The following ARHGAP19 variants were observed in gnomAD, a reference collection of about 807,000 sequenced individuals.
ARHGAP19 encodes the protein Rho GTPase activating protein 19.
In ARHGAP19, 48 loss-of-function variants were observed where a neutral mutation model predicts 60.9. That is an observed-to-expected ratio of 0.79 (90% CI 0.62 to 1.00). ARHGAP19 has a LOEUF of 1.00. Ranked by LOEUF, ARHGAP19 falls within the 50% of genes least tolerant of loss-of-function variation. The pLI, the probability that ARHGAP19 is intolerant of heterozygous loss-of-function variation, is 0.00. For synonymous variants in ARHGAP19, 209 were observed against 215.5 expected (o/e 0.97, Z 0.27); for missense variants, 562 against 597.2 (o/e 0.94, Z 0.61).
intron 8 of ARHGAP19, among the ~76,000 whole-genome samples, chr10:97,241,113 G>C (rs965995411): frequency 2.0e-5 from 3 of 151,576 alleles, no homozygotes; most frequent in Admixed American, 2.0e-4. Flanking sequence ...TTGGGGTCAG[G>C]AGTTCAAGAA....
chr10:97,226,166 G>A (rs1462042583), intron 11 of ARHGAP19, 34 bp from the exon 12 acceptor site: 1 of 1,611,096 alleles, frequency 6.2e-7, no homozygotes, highest in Non-Finnish European at 8.5e-7. Flanking sequence ...CGTTAGACAT[G>A]TTCTTAAATA....
intron 1 of ARHGAP19, chr10:97,277,632 A>T (rs1309456129): frequency 0.015 from 26 of 1,784 alleles, 11 homozygotes; most frequent in Non-Finnish European, 0.5. Context: ...ATAAATAAAA[A>T]AAATAAAATA....
chr10:97,243,661 C>G (rs57587114), intron 8 of ARHGAP19, among the ~76,000 whole-genome samples: 3,397 of 152,278 alleles, frequency 0.022, 125 homozygotes, highest in African/African-American at 0.075. Flanking sequence ...CTAAGAAAAT[C>G]TGGAGGGTTT....
chr10:97,256,342 A>T lies in ARHGAP19; in HGVS notation c.903T>A (p.Ile301=), dbSNP rs1316344192. Residue 301 remains isoleucine, a synonymous_variant, in exon 6 of 12, where the codon ATT becomes ATA. Coordinates refer to ENST00000358531, the MANE Select transcript of ARHGAP19 (RefSeq NM_032900.6). ...TKLNSGMAFM[I]KHSQKLFKAP... is the part of the protein sequence containing the mutation. ...CCTTAAAAAGTTTCTGGGAGTGTTT[A>T]ATCATAAAAGCCATCCCACTGTTTA... 6.2e-7 allele frequency: 1 copy of T among 1,614,032 alleles called. No individual in the cohort carries two copies. Among genetic ancestry groups the T allele is most frequent in the Non-Finnish European group, 8.5e-7 (1 of 1,179,898 alleles).
In ARHGAP19 at chr10:97,230,917, C is replaced by T. The variant is rs906885352; in HGVS notation, c.1285-1043G>A. Among the ~76,000 whole-genome samples the T allele has an allele frequency of 7.2e-5, 11 of 152,006 alleles. No individual in the cohort carries two copies. The South Asian group carries it at 1.7e-3, about 23-fold the overall frequency. ...ACTGTCTCTACTAAAATTAACTGGG[C>T]GTGGTGGTGCATGCCTGTAATCCCA... On this transcript the variant is annotated intron_variant, in intron 9 of 11. Transcript: ENST00000358531.
rs566519331 is a variant in ARHGAP19 at position 97,251,923 on chromosome 10, TAGAG to T, written c.927+4391_927+4394del. On this transcript the variant is annotated intron_variant, in intron 6 of 11. Coordinates refer to ENST00000358531, the MANE Select transcript of ARHGAP19 (RefSeq NM_032900.6). Reference sequence around the variant, plus strand: ...GAGTTCTTAAGTATTTTACAATTCATAGAGAAACAACAAGAAATTTATAGAGAAA... The same window carrying T: ...GAGTTCTTAAGTATTTTACAATTCATAAACAACAAGAAATTTATAGAGAAA... Among the ~76,000 whole-genome samples the T allele has an allele frequency of 7.2e-4, 109 of 151,048 alleles. 1 individual carries two copies. In the South Asian group the frequency reaches 0.022, roughly 30 times the overall value.
intron 6 of ARHGAP19, among the ~76,000 whole-genome samples, chr10:97,249,425 A>T (rs750341703): frequency 1.3e-5 from 2 of 152,346 alleles, no homozygotes; most frequent in Admixed American, 6.5e-5. Flanking sequence ...CCTGTGAAGT[A>T]TCTTTGCCAA....
At position 97,239,189 on chromosome 10, in the gene ARHGAP19, G is replaced by A. The variant is rs148391764; in HGVS notation, c.1186-3874C>T. On this transcript the variant is annotated intron_variant, in intron 8 of 11. Coordinates refer to ENST00000358531, the MANE Select transcript of ARHGAP19 (RefSeq NM_032900.6). ...ACATATCCCAATCATCAAGTGATACGTGACTATAAAGAAAAAGGGAGTGGG... is the reference window on the plus strand; with the variant it reads ...ACATATCCCAATCATCAAGTGATACATGACTATAAAGAAAAAGGGAGTGGG... 2.8e-3 allele frequency among the ~76,000 whole-genome samples: 427 copies of A among 152,248 alleles called. 2 individuals are homozygous for A. The highest frequency in any genetic ancestry group is 9.0e-3 in the African/African-American group (374 of 41,568).
At position 97,285,915 on chromosome 10, in the gene ARHGAP19, T is replaced by A. The variant is rs1365287972; in HGVS notation, c.56+6657A>T. Among the ~76,000 whole-genome samples the A allele has an allele frequency of 2.0e-5, 3 of 152,256 alleles. No homozygotes were observed. In the East Asian group the frequency reaches 5.8e-4, roughly 29 times the overall value. Reference sequence around the variant, plus strand: ...CCAATTGTTCTGACCAAAGTAAACTTGTGCAACAATATCTGCTTTGCTTTA... The same window carrying A: ...CCAATTGTTCTGACCAAAGTAAACTAGTGCAACAATATCTGCTTTGCTTTA... On this transcript the variant is annotated intron_variant, in intron 1 of 11. Transcript: ENST00000358531.
chr10:97,291,896 A>G (rs2134939986), intron 1 of ARHGAP19, among the ~76,000 whole-genome samples: 1 of 152,112 alleles, frequency 6.6e-6, no homozygotes, highest in Middle Eastern at 3.4e-3. Flanking sequence ...GCTGTTTAGG[A>G]AAGAACATCC....
In ARHGAP19 at chr10:97,257,310, T is replaced by C. The variant is rs547835125; in HGVS notation, c.841-906A>G. Among the ~76,000 whole-genome samples, 29 of 136,882 alleles carry C rather than the reference T, an allele frequency of 2.1e-4. No homozygotes were observed. In the East Asian group the frequency reaches 6.2e-3, roughly 29 times the overall value. The allele number at this position is 136,882 out of a possible 152,430, so 89.8% of individuals were successfully genotyped here. On this transcript the variant is annotated intron_variant, in intron 5 of 11. Transcript: ENST00000358531. ...TTTTTTTTTTTTTTTTTTTTAGAGA[T>C]AGGGTCTCGCTTTGTTACCCAGATT...
intron 1 of ARHGAP19, among the ~76,000 whole-genome samples, chr10:97,274,330 T>G (rs2134907630): frequency 6.6e-6 from 1 of 152,156 alleles, no homozygotes; most frequent in African/African-American, 2.4e-5. Flanking sequence ...CAGGGCATGG[T>G]GGCGGGCACC....
At chr10:97,292,158 T>C (rs1037088775) in intron 1 of ARHGAP19, among the ~76,000 whole-genome samples, 4 of 152,254 alleles carry the variant, frequency 2.6e-5, no homozygotes, top group Non-Finnish European at 4.4e-5. Context: ...CTGTTTCTAA[T>C]TGACACTCAA....
At position 97,229,862 on chromosome 10, in the gene ARHGAP19, C is replaced by T. The variant is rs772103652; in HGVS notation, c.1297G>A (p.Gly433Arg). Reference protein sequence around the residue: ...FSGLIKRKVLGNQMMSEKKKK... With the variant: ...FSGLIKRKVLRNQMMSEKKKK... ...TTCTTTTCTGACATCATCTGATTTC[C>T]CAGGACCTTCCGCTGATTTAAGAAC... Residue 433 changes from glycine (G) to arginine (R), a missense_variant, in exon 10 of 12, where the codon GGA becomes AGA. Coordinates refer to ENST00000358531, the MANE Select transcript of ARHGAP19 (RefSeq NM_032900.6). 6.2e-7 allele frequency: 1 copy of T among 1,606,840 alleles called. No individual in the cohort carries two copies. The highest frequency in any genetic ancestry group is 1.1e-5 in the South Asian group (1 of 90,360).
chr10:97,252,550 G>C (rs1159666924), intron 6 of ARHGAP19, among the ~76,000 whole-genome samples: 1 of 152,000 alleles, frequency 6.6e-6, no homozygotes, highest in Non-Finnish European at 1.5e-5. Flanking sequence ...CATGAACCTG[G>C]GAGGCAGAGC....
chr10:97,248,645 T>C (rs1842597607), intron 6 of ARHGAP19, among the ~76,000 whole-genome samples: 1 of 151,962 alleles, frequency 6.6e-6, no homozygotes, highest in Non-Finnish European at 1.5e-5. Flanking sequence ...GAAGCCAAGG[T>C]TCCCTGGAGA....
In ARHGAP19 at chr10:97,248,004, C is replaced by T. The variant is rs1167318305; in HGVS notation, c.928-1667G>A. On this transcript the variant is annotated intron_variant, in intron 6 of 11. Coordinates refer to ENST00000358531, the MANE Select transcript of ARHGAP19 (RefSeq NM_032900.6). ...TTTTTGAGACGGAGTCTCACTCTCT[C>T]GCCCAGGTTGGAGTGCAATGGCATG... Among the ~76,000 whole-genome samples the T allele has an allele frequency of 1.1e-4, 16 of 139,218 alleles. No homozygotes were observed. In the Admixed American group the frequency reaches 1.2e-3, roughly 10 times the overall value. 91.3% of individuals were successfully genotyped at this position (139,218 alleles called of 152,430 possible). A position where few individuals can be genotyped will look rare whatever the true frequency, so the allele number is the denominator to read the frequency against.
chr10:97,244,320 C>G (rs1037817212), intron 7 of ARHGAP19, among the ~76,000 whole-genome samples, 161 bp from the exon 8 acceptor site: 8 of 151,880 alleles, frequency 5.3e-5, no homozygotes, highest in Non-Finnish European at 1.0e-4. Context: ...TAACAAGGAA[C>G]CTATTAATAT....
chr10:97,249,969 A>G (rs1249751845), intron 6 of ARHGAP19, among the ~76,000 whole-genome samples: 1 of 151,960 alleles, frequency 6.6e-6, no homozygotes, highest in Non-Finnish European at 1.5e-5. Flanking sequence ...TATTTTTAGT[A>G]GAGACGGGGT....
Sources: gnomAD v4.1 joint callset for allele counts (sites outside exome capture counted in the v4.1 genomes callset) on GRCh38, gnomAD v4.1.1 for gene constraint, MANE v1.5 for transcripts, NCBI Gene and HGNC (gene_info 2026-07-23, HGNC 2026-07-21) for gene names.